Variants in NAXD observed in about 807,000 individuals in gnomAD.
NAXD encodes NAD(P)HX dehydratase.
In NAXD, 22 loss-of-function variants were observed where a neutral mutation model predicts 35.8. That is an observed-to-expected ratio of 0.62 (90% confidence interval 0.44 to 0.88). NAXD has a LOEUF of 0.88. NAXD is among the 40% of genes least tolerant of loss of function. The pLI is 0.00. For synonymous variants in NAXD, 189 were observed against 177.6 expected, an observed-to-expected ratio of 1.06 and a Z score of -0.51; for missense variants, 428 against 437.7, an observed-to-expected ratio of 0.98 and a Z score of 0.20.
chr13:110,626,422 G>T (rs888804753), intron 4 of NAXD, among the ~76,000 whole-genome samples: 1 of 152,114 alleles, frequency 6.6e-6, no homozygotes, highest in Non-Finnish European at 1.5e-5. Context: ...TGGGTGTAGG[G>T]CGCAGTTTGG....
In NAXD at chr13:110,622,369, AAGT is replaced by A; in HGVS notation, c.197+6_197+8del. 6.2e-7 allele frequency: 1 copy of A among 1,614,032 alleles called. No individual in the cohort carries two copies. On this transcript the variant is annotated splice_donor_5th_base_variant and intron_variant, in intron 2 of 9. Coordinates refer to ENST00000680254, the MANE Select transcript of NAXD (RefSeq NM_001242882.2). ...GGCGTAGTTGGAGGCTGTCAGGAGT[AAGT>A]AGCTGATGTGCAGTGTTGGTGTTTA...
chr13:110,616,040 G>A (rs374969186), intron 1 of NAXD: 4 of 377,198 alleles, frequency 1.1e-5, no homozygotes, highest in Non-Finnish European at 1.9e-5. Flanking sequence ...CGGGGAACGG[G>A]GGGCCGAGGG....
chr13:110,623,573 G>A (rs1339580271), intron 2 of NAXD, among the ~76,000 whole-genome samples: 1 of 152,236 alleles, frequency 6.6e-6, no homozygotes, highest in Non-Finnish European at 1.5e-5. Context: ...CTCCGAACAT[G>A]TGGTTGTCAC....
Position 110,627,432 on chromosome 13 carries a change from T to C in NAXD, c.333-7T>C, listed in dbSNP as rs779315237. The C allele has an allele frequency of 1.2e-6, 2 of 1,607,530 alleles. No homozygotes were observed. Among genetic ancestry groups the C allele is most frequent in the South Asian group, 1.1e-5 (1 of 90,714 alleles). The stretch of plus-strand genomic sequence containing the variant: ...GTAACCATCCTGGCCTTCCTTTCCT[T>C]CTTTAGTGACAGCCCCAATGCTGTT... On this transcript the variant is annotated splice_region_variant and splice_polypyrimidine_tract_variant and intron_variant, in intron 4 of 9. Transcript: ENST00000680254.
At chr13:110,620,253 C>T (rs1033029283) in intron 1 of NAXD, among the ~76,000 whole-genome samples, 6 of 151,214 alleles carry the variant, frequency 4.0e-5, no homozygotes, top group Non-Finnish European at 7.4e-5. Context: ...GATTCTGTGC[C>T]GGGTCTTGTG....
At chr13:110,620,916 G>A (rs954314801) in intron 1 of NAXD, among the ~76,000 whole-genome samples, 13 of 152,186 alleles carry the variant, frequency 8.5e-5, no homozygotes, top group Admixed American at 2.0e-4. Flanking sequence ...TAGGGAGAAT[G>A]TATGCTTTAT....
At chr13:110,631,786 A>T (rs1250971277) in intron 5 of NAXD, among the ~76,000 whole-genome samples, 39 of 152,192 alleles carry the variant, frequency 2.6e-4, no homozygotes, top group Non-Finnish European at 5.9e-5. Context: ...ATGAAGTCTC[A>T]GGTACCTGCC....
Position 110,635,498 on chromosome 13 carries a change from C to T in NAXD, c.628C>T (p.His210Tyr). 6.2e-7 allele frequency: 1 copy of T among 1,614,122 alleles called. No homozygotes were observed. The highest frequency in any genetic ancestry group is 8.5e-7 in the Non-Finnish European group (1 of 1,179,984). ...LRGPMDSDDSHGSVLRLSQAL... is the reference protein window; with the variant it reads ...LRGPMDSDDSYGSVLRLSQAL... ...AGGCCCTATGGACAGCGATGACAGC[C>T]ATGGATCTGTGCTAAGACTCAGCCA... The change falls in exon 8 of 10, where the codon CAT (histidine) becomes TAT (tyrosine). Residue 210 changes from histidine to tyrosine, a missense_variant. Physicochemically the swap from His to Tyr is moderately conservative, Grantham distance 83. Transcript: ENST00000680254.
rs533433802 is a variant in NAXD at position 110,616,823 on chromosome 13, C to T, written c.46+1176C>T. On this transcript the variant is annotated intron_variant, in intron 1 of 9. Transcript: ENST00000680254. Reference sequence around the variant, plus strand: ...CCAGTGAGTGGCCGAAATGGTTAAACGCACCATTTGTTGCTGTAGTCATTA... The same window carrying T: ...CCAGTGAGTGGCCGAAATGGTTAAATGCACCATTTGTTGCTGTAGTCATTA... Among the ~76,000 whole-genome samples the T allele has an allele frequency of 1.7e-4, 26 of 152,270 alleles. No individual in the cohort carries two copies. The South Asian group carries it at 5.4e-3, about 32-fold the overall frequency.
Position 110,628,485 on chromosome 13 carries a change from T to C in NAXD, c.441+938T>C, listed in dbSNP as rs563663388. 6.6e-6 allele frequency among the ~76,000 whole-genome samples: 1 copy of C among 152,288 alleles called. No homozygotes were observed. The highest frequency in any genetic ancestry group is 2.1e-4 in the South Asian group (1 of 4,828). On this transcript the variant is annotated intron_variant, in intron 5 of 9. Transcript: ENST00000680254. This position sits in a 1 kb window ranked among gnomAD's most constrained non-coding sequence, Gnocchi z 4.1. ...GCAGTCACCCTGAAAATGCCAGCCA[T>C]CTGCATGGCACTCTGTTGGGTGCTT...
chr13:110,636,997 A>G, intron 8 of NAXD, 132 bp from the exon 9 acceptor site: 1 of 997,858 alleles, frequency 1.0e-6, no homozygotes, highest in African/African-American at 1.7e-5. Context: ...AGCAGGCAGG[A>G]TGTGAGTGGA....
At chr13:110,635,390 GC>G in intron 7 of NAXD, 77 bp from the exon 8 acceptor site, 1 of 1,524,002 alleles carries the variant, frequency 6.6e-7, no homozygotes, top group Admixed American at 1.7e-5. Context: ...GAGTCTCATG[GC>G]GGATGGGACA....
In NAXD at chr13:110,637,114, T is replaced by C. The variant is rs769695070; in HGVS notation, c.719-15T>C. On this transcript the variant is annotated splice_polypyrimidine_tract_variant and intron_variant, in intron 8 of 9. Coordinates refer to ENST00000680254, the MANE Select transcript of NAXD (RefSeq NM_001242882.2). ...TGGCCATGCTGACACCTGCTCTCAC[T>C]TCTGCCCTGTGCAGTGCTTGTGTGC... 6.9e-6 allele frequency: 11 copies of C among 1,605,648 alleles called. No individual in the cohort carries two copies. Among genetic ancestry groups the C allele is most frequent in the South Asian group, 1.1e-5 (1 of 89,882 alleles).
rs755970435 is a variant in NAXD at position 110,634,746 on chromosome 13, C to T, written c.567C>T (p.His189=). 3.1e-6 allele frequency: 5 copies of T among 1,614,010 alleles called. No homozygotes were observed. In the South Asian group the frequency reaches 3.3e-5, roughly 11 times the overall value. The change falls in exon 7 of 10, where the codon CAC becomes CAT. Residue 189 remains histidine (H), a synonymous_variant. Transcript: ENST00000680254. ...GGAAGGCTGTGCTCACTCCCAACCA[C>T]GTGGAGTTCAGCAGACTGTATGACG... ...GYRKAVLTPN[H]VEFSRLYDAV... is the part of the protein sequence containing the mutation.
rs889236603 is a variant in NAXD at position 110,625,337 on chromosome 13, T to C, written c.332+59T>C. On this transcript the variant is annotated intron_variant, in intron 4 of 9. Transcript: ENST00000680254. The stretch of plus-strand genomic sequence containing the variant: ...TCTTTCCCTCCTGCATCATTTGGGG[T>C]TTTGGCACTGACACCGAAAGCGTCC... 49 of 1,200,016 alleles carry C rather than the reference T, an allele frequency of 4.1e-5. No homozygotes were observed. In the South Asian group the frequency reaches 5.8e-4, roughly 14 times the overall value. The allele number at this position is 1,200,016 out of a possible 1,614,324, so 74.3% of individuals were successfully genotyped here. A position where few individuals can be genotyped will look rare whatever the true frequency, so the allele number is the denominator to read the frequency against.
intron 5 of NAXD, 56 bp downstream of exon 5, chr13:110,627,603 T>C (rs767262971): frequency 3.3e-6 from 4 of 1,229,388 alleles, no homozygotes; most frequent in African/African-American, 1.5e-5. Flanking sequence ...AGGCGTGAAG[T>C]TGGAACAGAG....
intron 2 of NAXD, among the ~76,000 whole-genome samples, chr13:110,623,239 C>T (rs1385878232): frequency 3.3e-5 from 5 of 152,152 alleles, no homozygotes; most frequent in East Asian, 1.9e-4. Context: ...CTATTGACAC[C>T]GCTTTGCAGG....
At chr13:110,637,927 T>C in intron 9 of NAXD, 1 of 524,226 alleles carries the variant, frequency 1.9e-6, no homozygotes, top group Non-Finnish European at 3.6e-6. Flanking sequence ...GGTAGGGGTG[T>C]GGGCAGGAGT....
chr13:110,638,717 G>A lies in NAXD; in HGVS notation c.*189G>A, dbSNP rs1401549314. The A allele has an allele frequency of 4.1e-6, 3 of 732,854 alleles. No individual in the cohort carries two copies. The highest frequency in any genetic ancestry group is 1.7e-5 in the African/African-American group (1 of 57,712). The allele number at this position is 732,854 out of a possible 1,614,324, so 45.4% of individuals were successfully genotyped here. ...CAGCTTTTGGTTAAACTTAATGCAT[G>A]GTTGGAGATGTTATGGCGACACTAA... On this transcript the variant is annotated 3_prime_UTR_variant, in exon 10 of 10. Coordinates refer to ENST00000680254, the MANE Select transcript of NAXD (RefSeq NM_001242882.2). The surrounding 1 kb of genome is among the most constrained non-coding windows in gnomAD (Gnocchi z 5.4).
Sources: allele counts gnomAD v4.1 joint callset (sites outside exome capture counted in the v4.1 genomes callset), GRCh38; gene constraint gnomAD v4.1.1; non-coding constraint Gnocchi (gnomAD v3.1); transcripts MANE v1.5; gene names NCBI Gene and HGNC (gene_info 2026-07-23, HGNC 2026-07-21).